SEPTIN7: variants seen among roughly 807,000 people sequenced by gnomAD.
SEPTIN7 encodes septin-7.
Under a neutral mutation model 63.3 loss-of-function variants are expected in SEPTIN7, and 10 were observed. The observed-to-expected ratio is 0.16, with a 90% confidence interval of 0.10 to 0.27. The LOEUF is 0.27. Among genes scored for constraint, SEPTIN7 ranks in the 10% least tolerant of loss-of-function variants. SEPTIN7 has a pLI of 1.00. For missense variants in SEPTIN7, 310 were observed against 521.0 expected (o/e 0.59, Z 3.94); for synonymous variants, 131 against 165.3 (o/e 0.79, Z 1.59).
intron 3 of SEPTIN7, among the ~76,000 whole-genome samples, chr7:35,844,194 A>G (rs538447005): frequency 1.3e-5 from 2 of 152,220 alleles, no homozygotes; most frequent in African/African-American, 4.8e-5. Context: ...GGAAATGCAC[A>G]CTACTAATTA....
At position 35,904,435 on chromosome 7, in the gene SEPTIN7, T is replaced by G. The variant is rs540805442; in HGVS notation, c.*142T>G. ...CAGCATGACAAAAATTATTTTTTTT[T>G]TTGTTCTTGATGGAGATTAAGATGC... On this transcript the variant is annotated 3_prime_UTR_variant, in exon 14 of 14. Transcript: ENST00000350320. The G allele has an allele frequency of 1.3e-5, 8 of 593,322 alleles. No individual in the cohort carries two copies. Among genetic ancestry groups the G allele is most frequent in the Admixed American group, 4.0e-5 (1 of 25,004 alleles). 36.8% of individuals were successfully genotyped at this position (593,322 alleles called of 1,614,324 possible).
rs1324025877 is a variant in SEPTIN7 at position 35,879,949 on chromosome 7, G to T, written c.630+9G>T. 7 of 1,493,164 alleles carry T rather than the reference G, an allele frequency of 4.7e-6. No individual in the cohort carries two copies. Among genetic ancestry groups the T allele is most frequent in the Non-Finnish European group, 6.4e-6 (7 of 1,085,556 alleles). The allele number at this position is 1,493,164 out of a possible 1,614,324, so 92.5% of individuals were successfully genotyped here. A position where few individuals can be genotyped will look rare whatever the true frequency, so the allele number is the denominator to read the frequency against. On this transcript the variant is annotated intron_variant, in intron 7 of 13. Transcript: ENST00000350320. ...AACAGTTTAAAAAACAGGTGAGCAG[G>T]ATGTGTTAACCCAGGTTTCTTATAC... is the stretch of plus-strand genomic sequence containing the variant.
At chr7:35,828,464 C>T (rs1783630510) in intron 1 of SEPTIN7, among the ~76,000 whole-genome samples, 1 of 152,252 alleles carries the variant, frequency 6.6e-6, no homozygotes, top group African/African-American at 2.4e-5. Flanking sequence ...CAACCTCTGC[C>T]TCCCAGGTTC....
At chr7:35,881,308 G>A (rs1244912132) in intron 7 of SEPTIN7, among the ~76,000 whole-genome samples, 5 of 151,458 alleles carry the variant, frequency 3.3e-5, no homozygotes, top group Admixed American at 1.3e-4. Flanking sequence ...TATGTGTTTC[G>A]ATTTGGATTT....
intron 3 of SEPTIN7, among the ~76,000 whole-genome samples, chr7:35,833,972 G>C (rs545348180): frequency 2.0e-5 from 3 of 152,052 alleles, no homozygotes; most frequent in Admixed American, 6.6e-5. Flanking sequence ...ATGCAAATTT[G>C]ATACTTTATA....
In SEPTIN7 at chr7:35,814,831, C is replaced by T. The variant is rs1180885470; in HGVS notation, c.61+13561C>T. ...TCTACTAAAAATACAAAGAATTAGC[C>T]GGGCATGGTAGCAGGCGCCTGTAGT... is the stretch of plus-strand genomic sequence containing the variant. On this transcript the variant is annotated intron_variant, in intron 1 of 13. Transcript: ENST00000350320. Among the ~76,000 whole-genome samples, 99 of 151,872 alleles carry T rather than the reference C, an allele frequency of 6.5e-4. 2 individuals are homozygous for T. The highest frequency in any genetic ancestry group is 1.9e-4 in the East Asian group (1 of 5,184).
chr7:35,898,479 A>G, intron 12 of SEPTIN7, 96 bp downstream of exon 12: 1 of 787,876 alleles, frequency 1.3e-6, no homozygotes, highest in Non-Finnish European at 2.0e-6. Context: ...CTTTTTATAC[A>G]TATTTTTTCA....
Position 35,844,573 on chromosome 7 carries a change from T to A in SEPTIN7, c.169+11673T>A, listed in dbSNP as rs559445490. 4.0e-5 allele frequency among the ~76,000 whole-genome samples: 6 copies of A among 151,432 alleles called. No homozygotes were observed. The South Asian group carries it at 1.3e-3, about 32-fold the overall frequency. ...GACCCTGGACAGATCACTTTGAATC[T>A]CACTTTCCTTTTCACAACAAATATT... On this transcript the variant is annotated intron_variant, in intron 3 of 13. Coordinates refer to ENST00000350320, the MANE Select transcript of SEPTIN7 (RefSeq NM_001788.6).
intron 3 of SEPTIN7, among the ~76,000 whole-genome samples, chr7:35,845,908 T>C: frequency 6.6e-6 from 1 of 152,142 alleles, no homozygotes; most frequent in Admixed American, 6.6e-5. Context: ...TGTTGTTGAA[T>C]CAACATGAAT....
At chr7:35,866,840 A>G (rs1785831281) in intron 4 of SEPTIN7, among the ~76,000 whole-genome samples, 2 of 152,338 alleles carry the variant, frequency 1.3e-5, no homozygotes, top group South Asian at 4.1e-4. Flanking sequence ...TCTTTATACC[A>G]GTGCTTCTCA....
At chr7:35,873,376 TTAA>T (rs1464576170) in intron 5 of SEPTIN7, among the ~76,000 whole-genome samples, 1 of 152,122 alleles carries the variant, frequency 6.6e-6, no homozygotes, top group African/African-American at 2.4e-5. Context: ...AAGTGTGTTA[TTAA>T]TACACTTATT....
downstream of SEPTIN7, among the ~76,000 whole-genome samples, chr7:35,911,404 G>A (rs180920742): frequency 1.3e-5 from 2 of 150,578 alleles, no homozygotes; most frequent in African/African-American, 2.4e-5. Flanking sequence ...GAGGCATACT[G>A]CCCTCAAAAA....
downstream of SEPTIN7, among the ~76,000 whole-genome samples, chr7:35,910,732 T>C (rs1788726713): frequency 2.0e-5 from 3 of 152,230 alleles, no homozygotes; most frequent in Admixed American, 2.0e-4. Context: ...ACAGCCCATA[T>C]ACAACTGAAT....
Position 35,801,241 on chromosome 7 carries a change from A to T in SEPTIN7, c.32A>T (p.Glu11Val). ...GTCAGTGCGAGATCCGCTGCTGCTG[A>T]GGAGAGGAGCGTCAACAGCAGCACC... The part of the protein sequence containing the change: MSVSARSAAA[E>V]ERSVNSSTMV... The change falls in exon 1 of 14, where the codon GAG (glutamate) becomes GTG (valine). Residue 11 changes from glutamate (E) to valine (V), a missense_variant. Coordinates refer to ENST00000350320, the MANE Select transcript of SEPTIN7 (RefSeq NM_001788.6). The T allele has an allele frequency of 2.6e-6, 4 of 1,535,082 alleles. No homozygotes were observed. Among genetic ancestry groups the T allele is most frequent in the South Asian group, 1.2e-5 (1 of 81,934 alleles).
intron 3 of SEPTIN7, among the ~76,000 whole-genome samples, chr7:35,844,736 G>A (rs1784572229): frequency 6.6e-6 from 1 of 152,018 alleles, no homozygotes; most frequent in South Asian, 2.1e-4. Context: ...CCGAGTAGCT[G>A]GGACTACAGG....
chr7:35,836,953 T>G (rs1379782910), intron 3 of SEPTIN7, among the ~76,000 whole-genome samples: 1 of 152,152 alleles, frequency 6.6e-6, no homozygotes, highest in African/African-American at 2.4e-5. Context: ...TGATAATGAC[T>G]TCACAACATT....
chr7:35,817,245 G>A (rs1789128385), intron 1 of SEPTIN7, among the ~76,000 whole-genome samples: 1 of 151,924 alleles, frequency 6.6e-6, no homozygotes, highest in Admixed American at 6.6e-5. Flanking sequence ...GCGTGAGATA[G>A]GAGTCATTCT....
chr7:35,847,848 G>A (rs1784763170), intron 3 of SEPTIN7: 1 of 152,118 alleles, frequency 6.6e-6, no homozygotes, highest in South Asian at 2.1e-4. Context: ...TAAAAAGTAA[G>A]AACTTAAAAG....
intron 10 of SEPTIN7, chr7:35,888,774 C>G (rs531284230): frequency 2.3e-5 from 6 of 256,092 alleles, no homozygotes; most frequent in African/African-American, 1.6e-4. Flanking sequence ...GAGCTGAGAT[C>G]GTACCACTGC....
Sources: allele counts gnomAD v4.1 joint callset (sites outside exome capture counted in the v4.1 genomes callset), GRCh38; gene constraint gnomAD v4.1.1; transcripts MANE v1.5; gene names NCBI Gene and HGNC (gene_info 2026-07-23, HGNC 2026-07-21).